Variants in GAL3ST3 observed in about 807,000 individuals in gnomAD.
The protein encoded by GAL3ST3 is galactose-3-O-sulfotransferase 3, also known as beta-galactose-3-O-sulfotransferase 3.
In GAL3ST3, 21 loss-of-function variants were observed where a neutral mutation model predicts 20.8. The ratio of observed to expected loss-of-function variants is 1.01; its 90% CI spans 0.72 to 1.45. The LOEUF is 1.45. GAL3ST3 is among the 40% of genes most tolerant of loss of function. The probability of loss-of-function intolerance (pLI) is 0.00; values close to 1 mark genes in which losing one functional copy is unlikely to be tolerated. For missense variants in GAL3ST3, 739 were observed against 662.7 expected (o/e 1.12, Z -1.26); for synonymous variants, 355 against 307.2 (o/e 1.16, Z -1.63).
In GAL3ST3 at chr11:66,042,376, C is replaced by T. The variant is rs1037885620; in HGVS notation, c.*131G>A. 61 of 714,690 alleles carry T rather than the reference C, an allele frequency of 8.5e-5. No individual in the cohort carries two copies. Among genetic ancestry groups the T allele is most frequent in the Admixed American group, 1.1e-4 (3 of 27,204 alleles). 44.3% of individuals were successfully genotyped at this position (714,690 alleles called of 1,614,324 possible). On this transcript the variant is annotated 3_prime_UTR_variant, in exon 3 of 3. Transcript: ENST00000312006. ...CGGGGGCTCAGATAGGGAGGCGTACCCCAAAGTTCAGCGAGGGACTCAAGC... is the reference window on the plus strand; with the variant it reads ...CGGGGGCTCAGATAGGGAGGCGTACTCCAAAGTTCAGCGAGGGACTCAAGC...
chr11:66,043,328 C>T lies in GAL3ST3; in HGVS notation c.475G>A (p.Glu159Lys), dbSNP rs780509210. The stretch of plus-strand genomic sequence containing the variant: ...TGGTTGTAGTAGCTGAAGAGCGACT[C>T]GAACATGGCGGCCGGCTCGCGCAGG... ...TILREPAAMF[E>K]SLFSYYNQYC... Residue 159 changes from glutamate (E) to lysine (K), a missense_variant, in exon 3 of 3, where the codon GAG becomes AAG. By Grantham distance (56) the Glu-to-Lys change is moderately conservative. Coordinates refer to ENST00000312006, the MANE Select transcript of GAL3ST3 (RefSeq NM_033036.3). 3 of 1,611,958 alleles carry T rather than the reference C, an allele frequency of 1.9e-6. No homozygotes were observed. Among genetic ancestry groups the T allele is most frequent in the Admixed American group, 1.7e-5 (1 of 59,882 alleles).
chr11:66,042,857 A>ACGCGCGGCC lies in GAL3ST3; in HGVS notation c.937_945dup (p.Gly313_Ala315dup). Reference sequence around the variant, plus strand: ...AGCTCGCGCGCCTCGCGCTCCACGCACGCGCGGCCCGCGCGCGCCACGTGG... The same window carrying ACGCGCGGCC: ...AGCTCGCGCGCCTCGCGCTCCACGCACGCGCGGCCCGCGCGGCCCGCGCGCGCCACGTGG... On this transcript the variant is annotated inframe_insertion, in exon 3 of 3. Coordinates refer to ENST00000312006, the MANE Select transcript of GAL3ST3 (RefSeq NM_033036.3). 1 of 1,180,118 alleles carries ACGCGCGGCC rather than the reference A, an allele frequency of 8.5e-7. No individual in the cohort carries two copies. The highest frequency in any genetic ancestry group is 1.7e-5 in the African/African-American group (1 of 59,378). The allele number at this position is 1,180,118 out of a possible 1,614,324, so 73.1% of individuals were successfully genotyped here.
At position 66,042,847 on chromosome 11, in the gene GAL3ST3, C is replaced by A; in HGVS notation, c.956G>T (p.Arg319Leu). Residue 319 changes from arginine to leucine, a missense_variant, in exon 3 of 3, where the codon CGC (arginine) becomes CTC (leucine). Transcript: ENST00000312006. ...VARAGRACVEREARELREARQ... is the reference protein window; with the variant it reads ...VARAGRACVELEARELREARQ... ...GGCCTCGCGCAGCTCGCGCGCCTCG[C>A]GCTCCACGCACGCGCGGCCCGCGCG... is the stretch of plus-strand genomic sequence containing the variant. 7.7e-7 allele frequency: 1 copy of A among 1,303,550 alleles called. No homozygotes were observed. The highest frequency in any genetic ancestry group is 9.7e-7 in the Non-Finnish European group (1 of 1,028,734). The allele number at this position is 1,303,550 out of a possible 1,614,324, so 80.7% of individuals were successfully genotyped here.
intron 2 of GAL3ST3, among the ~76,000 whole-genome samples, chr11:66,044,160 C>G (rs1856756126): frequency 6.6e-6 from 1 of 152,176 alleles, no homozygotes; most frequent in South Asian, 2.1e-4. Context: ...GTCAAAACCA[C>G]GTGAGTGAGC....
chr11:66,046,010 T>C (rs1244989993), intron 1 of GAL3ST3, among the ~76,000 whole-genome samples: 3 of 152,232 alleles, frequency 2.0e-5, no homozygotes, highest in Non-Finnish European at 2.9e-5. Context: ...TGGATCGATA[T>C]GGCTTTGAGT....
intron 2 of GAL3ST3, among the ~76,000 whole-genome samples, chr11:66,043,954 A>G (rs1856753686): frequency 6.6e-6 from 1 of 152,140 alleles, no homozygotes; most frequent in Non-Finnish European, 1.5e-5. Context: ...ATGGGATGTC[A>G]CTTCTTAAAT....
Position 66,045,399 on chromosome 11 carries a change from TG to T in GAL3ST3, c.16del (p.Gln6SerfsTer9). ...CATCTTGGTGGCCTGCTGCAGGCGC[TG>T]GAGGATGGGTGGCATGGCGGAGTAC... MPPILQRLQQATKMMS... is the reference protein window; with the variant it reads MPPILXRLQQATKMMS... On this transcript the variant is annotated frameshift_variant, in exon 2 of 3. Transcript: ENST00000312006. LOFTEE classifies it high-confidence loss of function. 6.2e-7 allele frequency: 1 copy of T among 1,601,962 alleles called. No homozygotes were observed. Among genetic ancestry groups the T allele is most frequent in the Non-Finnish European group, 8.5e-7 (1 of 1,173,896 alleles).
At position 66,043,391 on chromosome 11, in the gene GAL3ST3, C is replaced by T. The variant is rs1254868472; in HGVS notation, c.412G>A (p.Glu138Lys). ...ACGGTGCTGGGCGGCATGAGGCGCTCCAGCTCCGCACGGTCGAAGCGCAGG... is the reference window on the plus strand; with the variant it reads ...ACGGTGCTGGGCGGCATGAGGCGCTTCAGCTCCGCACGGTCGAAGCGCAGG... ...SHLRFDRAEL[E>K]RLMPPSTVYV... Residue 138 changes from glutamate (E) to lysine (K), a missense_variant, in exon 3 of 3, where the codon GAG becomes AAG. Transcript: ENST00000312006. 3.7e-6 allele frequency: 6 copies of T among 1,610,004 alleles called. No individual in the cohort carries two copies. The highest frequency in any genetic ancestry group is 5.1e-6 in the Non-Finnish European group (6 of 1,178,570).
chr11:66,045,005 G>T (rs1211462510), intron 2 of GAL3ST3: 2 of 257,442 alleles, frequency 7.8e-6, no homozygotes, highest in Non-Finnish European at 1.5e-5. Context: ...ACTTGGCCTT[G>T]CCCAGCACTA....
intron 2 of GAL3ST3, among the ~76,000 whole-genome samples, chr11:66,044,130 G>T (rs1264500520): frequency 2.0e-5 from 3 of 152,170 alleles, no homozygotes; most frequent in Non-Finnish European, 4.4e-5. Flanking sequence ...TCCACCAGCC[G>T]GCTTGAAGAC....
At chr11:66,045,778 GTC>G (rs1307359275) in intron 1 of GAL3ST3, among the ~76,000 whole-genome samples, 1 of 152,208 alleles carries the variant, frequency 6.6e-6, no homozygotes, top group Non-Finnish European at 1.5e-5. Flanking sequence ...CCCTGTCTCT[GTC>G]TCTCTGCCTG....
At position 66,042,900 on chromosome 11, in the gene GAL3ST3, G is replaced by A; in HGVS notation, c.903C>T (p.Phe301=). ...NALDAGLYDH[F]NATFWRHVAR... is the part of the protein sequence containing the mutation. ...CCACGTGGCGCCAGAAGGTGGCGTT[G>A]AAGTGGTCGTAGAGGCCGGCGTCCA... The change falls in exon 3 of 3, where the codon TTC becomes TTT. Residue 301 remains phenylalanine, a synonymous_variant. Transcript: ENST00000312006. 1 of 1,207,858 alleles carries A rather than the reference G, an allele frequency of 8.3e-7. No individual in the cohort carries two copies. The allele number at this position is 1,207,858 out of a possible 1,614,324, so 74.8% of individuals were successfully genotyped here. A position where few individuals can be genotyped will look rare whatever the true frequency, so the allele number is the denominator to read the frequency against.
At chr11:66,047,103 C>T (rs2135023279) in intron 1 of GAL3ST3, among the ~76,000 whole-genome samples, 1 of 152,310 alleles carries the variant, frequency 6.6e-6, no homozygotes, top group African/African-American at 2.4e-5. Context: ...AGAGGGTAAC[C>T]AAGGGCACAG....
chr11:66,043,284 C>T lies in GAL3ST3; in HGVS notation c.519G>A (p.Arg173=). Residue 173 remains arginine (R), a synonymous_variant, in exon 3 of 3, where the codon CGG becomes CGA. Transcript: ENST00000312006. ...CCTCGAGCGAGGCGTTGGGTACGCG[C>T]CGGAAGGCCGGGCAGTACTGGTTGT... ...SYYNQYCPAF[R]RVPNASLEAF... 1.2e-6 allele frequency: 2 copies of T among 1,612,054 alleles called. No individual in the cohort carries two copies. The highest frequency in any genetic ancestry group is 1.7e-6 in the Non-Finnish European group (2 of 1,179,134).
Position 66,045,282 on chromosome 11 carries a change from C to T in GAL3ST3, c.125+9G>A. On this transcript the variant is annotated intron_variant, in intron 2 of 2. Coordinates refer to ENST00000312006, the MANE Select transcript of GAL3ST3 (RefSeq NM_033036.3). ...GAGCTCCGGCCCCCCTGGGGCCCCGCCCCCTTACCAGCTGAGCTGCGCCCC... is the reference window on the plus strand; with the variant it reads ...GAGCTCCGGCCCCCCTGGGGCCCCGTCCCCTTACCAGCTGAGCTGCGCCCC... 1.3e-6 allele frequency: 2 copies of T among 1,540,564 alleles called. No homozygotes were observed. The highest frequency in any genetic ancestry group is 2.5e-5 in the East Asian group (1 of 40,302).
chr11:66,042,953 C>T lies in GAL3ST3; in HGVS notation c.850G>A (p.Ala284Thr), dbSNP rs527341089. ...SRLAAIPAAL[A>T]RAARTWNALD... ...GCGTTCCAGGTGCGCGCCGCCCGCG[C>T]CAGCGCCGCGGGGATGGCGGCCAGG... Residue 284 changes from alanine (A) to threonine (T), a missense_variant, in exon 3 of 3, where the codon GCG becomes ACG. By Grantham distance (58) the Ala-to-Thr change is moderately conservative (BLOSUM62 0). Transcript: ENST00000312006. The T allele has an allele frequency of 2.2e-6, 3 of 1,378,354 alleles. No homozygotes were observed. The highest frequency in any genetic ancestry group is 7.1e-5 in the East Asian group (2 of 28,154). 85.4% of individuals were successfully genotyped at this position (1,378,354 alleles called of 1,614,324 possible).
intron 2 of GAL3ST3, among the ~76,000 whole-genome samples, chr11:66,044,442 CACTT>C (rs1856758624): frequency 1.3e-5 from 2 of 152,196 alleles, no homozygotes; most frequent in Non-Finnish European, 1.5e-5. Flanking sequence ...GGAGAACAAT[CACTT>C]ACACAAAGTC....
Position 66,042,662 on chromosome 11 carries a change from A to G in GAL3ST3, c.1141T>C (p.Cys381Arg). The change falls in exon 3 of 3, where the codon TGC becomes CGC. Residue 381 changes from cysteine to arginine, a missense_variant. Cys to Arg is a radical substitution (Grantham distance 180, BLOSUM62 -3). Transcript: ENST00000312006. ...GGGAGPATEACLKLAMPEVQY... is the reference protein window; with the variant it reads ...GGGAGPATEARLKLAMPEVQY... ...ACCTCGGGCATGGCCAGCTTGAGGC[A>G]GGCCTCGGTGGCCGGGCCGGCGCCG... The G allele has an allele frequency of 5.9e-6, 9 of 1,534,730 alleles. No homozygotes were observed. The highest frequency in any genetic ancestry group is 7.0e-6 in the Non-Finnish European group (8 of 1,146,170).
chr11:66,043,544 C>T lies in GAL3ST3; in HGVS notation c.259G>A (p.Ala87Thr). The T allele has an allele frequency of 6.2e-7, 1 of 1,611,292 alleles. No homozygotes were observed. Among genetic ancestry groups the T allele is most frequent in the Non-Finnish European group, 8.5e-7 (1 of 1,179,844 alleles). The change falls in exon 3 of 3, where the codon GCC (alanine) becomes ACC (threonine). Residue 87 changes from alanine (A) to threonine (T), a missense_variant. Transcript: ENST00000312006. ...GCCACCGTCAGGTTGTGGCGCTCGG[C>T]AAAGCGAAACAGGATGTTCTGCACC... ...TTVQNILFRF[A>T]ERHNLTVALP...
Sources: gnomAD v4.1 joint callset for allele counts (sites outside exome capture counted in the v4.1 genomes callset) on GRCh38, gnomAD v4.1.1 for gene constraint, MANE v1.5 for transcripts, NCBI Gene and HGNC (gene_info 2026-07-23, HGNC 2026-07-21) for gene names.